The following SHROOM4 variants were observed in gnomAD, a reference collection of about 807,000 sequenced individuals.
The protein encoded by SHROOM4 is protein Shroom4.
In SHROOM4, 17 loss-of-function variants were observed where a neutral mutation model predicts 80.3. The observed-to-expected ratio is 0.21, with a 90% CI of 0.14 to 0.32. SHROOM4 has a LOEUF of 0.32. Among genes scored for constraint, SHROOM4 ranks in the 10% least tolerant of loss-of-function variants. The pLI, the probability that SHROOM4 is intolerant of heterozygous loss-of-function variation, is 1.00. For missense variants in SHROOM4, 993 were observed against 1,140.3 expected, an observed-to-expected ratio of 0.87 and a Z score of 1.86; for synonymous variants, 400 against 437.5, an observed-to-expected ratio of 0.91 and a Z score of 1.07.
At chrX:50,794,444 G>A (rs1935917474) in intron 1 of SHROOM4, among the ~76,000 whole-genome samples, 1 of 110,477 alleles carries the variant, frequency 9.1e-6, no homozygotes, top group Admixed American at 9.7e-5. Context: ...AAATACACAT[G>A]GGAAACTACA....
chrX:50,768,951 A>G (rs1194242369), intron 1 of SHROOM4, among the ~76,000 whole-genome samples: 3 of 112,006 alleles, frequency 2.7e-5, no homozygotes, highest in African/African-American at 9.7e-5. Context: ...TCAGGAAACT[A>G]GAAGAGAATA....
intron 5 of SHROOM4, among the ~76,000 whole-genome samples, chrX:50,609,515 A>AT (rs1217934402): frequency 9.0e-6 from 1 of 111,027 alleles, no homozygotes; most frequent in Non-Finnish European, 1.9e-5. Flanking sequence ...CAGACTACCT[A>AT]TAAAAACATC....
chrX:50,768,361 T>G (rs1043417104), intron 1 of SHROOM4, among the ~76,000 whole-genome samples: 2 of 112,026 alleles, frequency 1.8e-5, no homozygotes. Context: ...GATACCTTCA[T>G]TTTGAGCCAC....
chrX:50,685,432 G>A (rs1933049451), intron 2 of SHROOM4, among the ~76,000 whole-genome samples: 1 of 112,133 alleles, frequency 8.9e-6, no homozygotes, highest in Non-Finnish European at 1.9e-5. Flanking sequence ...CCTATATCCA[G>A]GAGAGAGGTG....
rs377479207 is a variant in SHROOM4, at chrX:50,754,091, C to T, written c.118-58154G>A. Among the ~76,000 whole-genome samples the T allele has an allele frequency of 4.5e-4, 50 of 112,203 alleles. 1 individual carries two copies. Among genetic ancestry groups the T allele is most frequent in the African/African-American group, 1.5e-3 (47 of 30,947 alleles). On this transcript the variant is annotated intron_variant, in intron 1 of 8. Transcript: ENST00000376020. ...TATTCTGCCCAAAGATAGTGAAAAG[C>T]GCTTCCCAAAGAAATGTTATACATC... is the stretch of plus-strand genomic sequence containing the variant.
chrX:50,669,921 G>A (rs1285964743), intron 2 of SHROOM4, among the ~76,000 whole-genome samples: 2 of 110,747 alleles, frequency 1.8e-5, no homozygotes, highest in East Asian at 2.8e-4. Context: ...CATTTATGAG[G>A]GGTAGAATGA....
At chrX:50,575,977 G>T in the SHROOM4 span, among the ~76,000 whole-genome samples, 2 of 111,593 alleles carry the variant, frequency 1.8e-5, no homozygotes, top group African/African-American at 6.5e-5. Context: ...CACTTTTTGT[G>T]GGGGGAATCA....
At chrX:50,605,279 A>G (rs1557248291) in intron 6 of SHROOM4, among the ~76,000 whole-genome samples, 1 of 112,054 alleles carries the variant, frequency 8.9e-6, no homozygotes, top group African/African-American at 3.2e-5. Context: ...GTTTATTTTC[A>G]TGATTAAATC....
intron 1 of SHROOM4, among the ~76,000 whole-genome samples, chrX:50,767,258 A>T (rs1361545847): frequency 8.9e-6 from 1 of 112,249 alleles, no homozygotes; most frequent in Non-Finnish European, 1.9e-5. Flanking sequence ...AAATTTTAAA[A>T]TAACTTAAAT....
intron 1 of SHROOM4, among the ~76,000 whole-genome samples, chrX:50,732,070 TAGA>T (rs1557266362): frequency 8.9e-6 from 1 of 111,772 alleles, no homozygotes; most frequent in African/African-American, 3.3e-5. Context: ...GATAAATTTG[TAGA>T]AGAATTCTTG....
chrX:50,799,112 G>A (rs782107822), intron 1 of SHROOM4, among the ~76,000 whole-genome samples: 1 of 112,427 alleles, frequency 8.9e-6, no homozygotes, highest in East Asian at 2.8e-4. Flanking sequence ...CTATGAGCCT[G>A]CTTCTAAGAC....
rs1012361536 is a variant in SHROOM4 at position 50,661,276 on chromosome X, T to C, written c.270-22968A>G. The stretch of plus-strand genomic sequence containing the variant: ...TTCTATCGCCCAGGCTGGAGTGCAG[T>C]GGTGCGATCTCCACTCACTGCAACC... On this transcript the variant is annotated intron_variant, in intron 2 of 8. Transcript: ENST00000376020. Among the ~76,000 whole-genome samples the C allele has an allele frequency of 1.2e-4, 13 of 111,341 alleles. No homozygotes were observed. The South Asian group carries it at 5.0e-3, about 43-fold the overall frequency.
At chrX:50,794,741 C>G (rs1484420231) in intron 1 of SHROOM4, among the ~76,000 whole-genome samples, 1 of 107,179 alleles carries the variant, frequency 9.3e-6, no homozygotes, top group East Asian at 2.9e-4. Context: ...ATTTATCTAC[C>G]TAGCATAGTA....
Position 50,652,121 on chromosome X carries a change from C to T in SHROOM4, c.270-13813G>A, listed in dbSNP as rs781877224. Among the ~76,000 whole-genome samples the T allele has an allele frequency of 3.1e-3, 351 of 111,650 alleles. 2 individuals carry two copies. The highest frequency in any genetic ancestry group is 0.014 in the Middle Eastern group (3 of 216). Reference sequence around the variant, plus strand: ...CCAGTAATGGGATTGCTAGATCAAACGGTATTTCTGGTTCCAGATCCTTGA... The same window carrying T: ...CCAGTAATGGGATTGCTAGATCAAATGGTATTTCTGGTTCCAGATCCTTGA... On this transcript the variant is annotated intron_variant, in intron 2 of 8. Coordinates refer to ENST00000376020, the MANE Select transcript of SHROOM4 (RefSeq NM_020717.5).
At chrX:50,702,718 A>G (rs890915240) in intron 1 of SHROOM4, among the ~76,000 whole-genome samples, 8 of 112,178 alleles carry the variant, frequency 7.1e-5, no homozygotes, top group Non-Finnish European at 1.5e-4. Flanking sequence ...ATATGGGAAT[A>G]TACATAACTA....
rs782466908 is a variant in SHROOM4, at chrX:50,693,945, T to G, written c.269+1841A>C. 2.7e-5 allele frequency among the ~76,000 whole-genome samples: 3 copies of G among 111,659 alleles called. No homozygotes were observed. The East Asian group carries it at 8.5e-4, about 32-fold the overall frequency. On this transcript the variant is annotated intron_variant, in intron 2 of 8. Coordinates refer to ENST00000376020, the MANE Select transcript of SHROOM4 (RefSeq NM_020717.5). Reference sequence around the variant, plus strand: ...TCCATGAGATCCCTCTTTTCAGCCTTTACATATGAGTGAGAACATGTAATA... The same window carrying G: ...TCCATGAGATCCCTCTTTTCAGCCTGTACATATGAGTGAGAACATGTAATA...
At chrX:50,701,290 C>A (rs934648647) in intron 1 of SHROOM4, among the ~76,000 whole-genome samples, 3 of 111,942 alleles carry the variant, frequency 2.7e-5, no homozygotes, top group African/African-American at 9.7e-5. Flanking sequence ...GCACTGTCCC[C>A]TATGTCAGCA....
intron 2 of SHROOM4, among the ~76,000 whole-genome samples, chrX:50,654,795 C>T (rs1557259308): frequency 1.8e-5 from 2 of 108,812 alleles, no homozygotes; most frequent in African/African-American, 6.7e-5. Flanking sequence ...TAATTTCAAC[C>T]TCTATGTGAG....
At chrX:50,655,481 A>T (rs1932267922) in intron 2 of SHROOM4, among the ~76,000 whole-genome samples, 1 of 106,871 alleles carries the variant, frequency 9.4e-6, no homozygotes, top group African/African-American at 3.4e-5. Flanking sequence ...ATTTCATTGT[A>T]TATGTGTGTG....
Sources: gnomAD v4.1 joint callset for allele counts (sites outside exome capture counted in the v4.1 genomes callset) on GRCh38, gnomAD v4.1.1 for gene constraint, MANE v1.5 for transcripts, NCBI Gene and HGNC (gene_info 2026-07-23, HGNC 2026-07-21) for gene names.